Variants in KCTD3 observed in about 807,000 individuals in gnomAD.
KCTD3 encodes potassium channel tetramerization domain containing 3.
Under a neutral mutation model 85.8 loss-of-function variants are expected in KCTD3, and 41 were observed. The observed-to-expected ratio is 0.48, with a 90% CI of 0.37 to 0.62. KCTD3 has a LOEUF of 0.62. Ranked by LOEUF, KCTD3 falls within the 20% of genes least tolerant of loss-of-function variation. The probability of loss-of-function intolerance (pLI) is 0.00; values close to 1 mark genes in which losing one functional copy is unlikely to be tolerated. For missense variants in KCTD3, 724 were observed against 989.9 expected (o/e 0.73, Z 3.60); for synonymous variants, 338 against 345.4 (o/e 0.98, Z 0.24).
intron 14 of KCTD3, among the ~76,000 whole-genome samples, chr1:215,610,909 G>A: frequency 6.6e-6 from 1 of 152,030 alleles, no homozygotes; most frequent in Non-Finnish European, 1.5e-5. Context: ...TAATAATAAA[G>A]ATGACATTGG....
At chr1:215,571,308 G>A (rs1328074702) in intron 1 of KCTD3, among the ~76,000 whole-genome samples, 1 of 152,168 alleles carries the variant, frequency 6.6e-6, no homozygotes, top group Non-Finnish European at 1.5e-5. Flanking sequence ...TGTGACTGGG[G>A]TAATCTGTGT....
Position 215,567,700 on chromosome 1 carries a change from C to T in KCTD3, c.15C>T (p.His5=), listed in dbSNP as rs1467659022. The change falls in exon 1 of 18, where the codon CAC becomes CAT. Residue 5 remains histidine (H), a synonymous_variant. Transcript: ENST00000259154. MAGG[H]CGSFPAAAAG... ...AGCCGCCGGAGATGGCGGGAGGGCA[C>T]TGCGGCAGCTTCCCCGCGGCGGCGG... 2.4e-6 allele frequency: 3 copies of T among 1,241,584 alleles called. No individual in the cohort carries two copies. Among genetic ancestry groups the T allele is most frequent in the Admixed American group, 4.2e-5 (1 of 23,688 alleles). The allele number at this position is 1,241,584 out of a possible 1,614,324, so 76.9% of individuals were successfully genotyped here. A position where few individuals can be genotyped will look rare whatever the true frequency, so the allele number is the denominator to read the frequency against.
At chr1:215,572,417 C>T (rs1659401617) in intron 1 of KCTD3, among the ~76,000 whole-genome samples, 1 of 152,084 alleles carries the variant, frequency 6.6e-6, no homozygotes, top group South Asian at 2.1e-4. Context: ...TATTATGAGC[C>T]ATTGTTGCCT....
At position 215,601,874 on chromosome 1, in the gene KCTD3, ATGT is replaced by A. The variant is rs1654849286; in HGVS notation, c.946_948del (p.Val316del). The A allele has an allele frequency of 6.4e-7, 1 of 1,564,436 alleles. No homozygotes were observed. The highest frequency in any genetic ancestry group is 8.8e-7 in the Non-Finnish European group (1 of 1,137,316). ...ATACTCTCACTACATCAGGTTCAAG[ATGT>A]TGTTCCTATAACTAGTTATGACACT... is the stretch of plus-strand genomic sequence containing the variant. On this transcript the variant is annotated inframe_deletion, in exon 11 of 18. Coordinates refer to ENST00000259154, the MANE Select transcript of KCTD3 (RefSeq NM_016121.5).
At chr1:215,586,127 C>T (rs1371694694) in intron 8 of KCTD3, among the ~76,000 whole-genome samples, 4 of 152,014 alleles carry the variant, frequency 2.6e-5, no homozygotes, top group African/African-American at 9.7e-5. Flanking sequence ...ATGACAGTAT[C>T]ATTTGTGTGT....
In KCTD3 at chr1:215,590,550, A is replaced by T. The variant is rs569806561; in HGVS notation, c.817+3865A>T. On this transcript the variant is annotated intron_variant, in intron 9 of 17. Transcript: ENST00000259154. ...GATTTTTTATTTCATTTTTTTCTCCATTCTTCAGTTTAGATATCTTTTATT... is the reference window on the plus strand; with the variant it reads ...GATTTTTTATTTCATTTTTTTCTCCTTTCTTCAGTTTAGATATCTTTTATT... Among the ~76,000 whole-genome samples the T allele has an allele frequency of 1.1e-4, 16 of 151,576 alleles. No individual in the cohort carries two copies. The South Asian group carries it at 3.3e-3, about 32-fold the overall frequency.
chr1:215,619,319 CAA>C (rs1288570703), intron 17 of KCTD3, 28 bp downstream of exon 17: 1 of 1,571,342 alleles, frequency 6.4e-7, no homozygotes, highest in Non-Finnish European at 8.7e-7. Flanking sequence ...GTATTATAAA[CAA>C]AATTTATTTC....
At position 215,602,219 on chromosome 1, in the gene KCTD3, T is replaced by A. The variant is rs1272880803; in HGVS notation, c.1138+18T>A. On this transcript the variant is annotated intron_variant, in intron 12 of 17. Coordinates refer to ENST00000259154, the MANE Select transcript of KCTD3 (RefSeq NM_016121.5). ...CAAAACAAGTTAGTACATGGCCAAT[T>A]ATATACATTCTTGACTTTTTATCTT... is the stretch of plus-strand genomic sequence containing the variant. 8.5e-7 allele frequency: 1 copy of A among 1,179,580 alleles called. No homozygotes were observed. Among genetic ancestry groups the A allele is most frequent in the South Asian group, 1.3e-5 (1 of 74,234 alleles). The allele number at this position is 1,179,580 out of a possible 1,614,324, so 73.1% of individuals were successfully genotyped here.
chr1:215,602,212 G>A lies in KCTD3; in HGVS notation c.1138+11G>A. On this transcript the variant is annotated intron_variant, in intron 12 of 17. Coordinates refer to ENST00000259154, the MANE Select transcript of KCTD3 (RefSeq NM_016121.5). ...TCACACCCAAAACAAGTTAGTACATGGCCAATTATATACATTCTTGACTTT... is the reference window on the plus strand; with the variant it reads ...TCACACCCAAAACAAGTTAGTACATAGCCAATTATATACATTCTTGACTTT... 5 of 1,286,576 alleles carry A rather than the reference G, an allele frequency of 3.9e-6. No individual in the cohort carries two copies. Among genetic ancestry groups the A allele is most frequent in the Non-Finnish European group, 5.6e-6 (5 of 898,782 alleles). The allele number at this position is 1,286,576 out of a possible 1,614,324, so 79.7% of individuals were successfully genotyped here.
At chr1:215,577,806 C>G in intron 5 of KCTD3, 78 bp downstream of exon 5, 1 of 1,286,144 alleles carries the variant, frequency 7.8e-7, no homozygotes, top group Non-Finnish European at 1.1e-6. Context: ...GTGTTTATAT[C>G]AGGTCCTAAT....
At chr1:215,577,139 T>G (rs1659617595) in intron 4 of KCTD3, among the ~76,000 whole-genome samples, 1 of 152,056 alleles carries the variant, frequency 6.6e-6, no homozygotes, top group African/African-American at 2.4e-5. Context: ...CTAGTCTTTT[T>G]TTTTTTTCTA....
rs1430238936 is a variant in KCTD3 at position 215,621,707 on chromosome 1, G to A, written c.*1089G>A. On this transcript the variant is annotated 3_prime_UTR_variant, in exon 18 of 18. Coordinates refer to ENST00000259154, the MANE Select transcript of KCTD3 (RefSeq NM_016121.5). Reference sequence around the variant, plus strand: ...ATTCCAAGAAATATAAGTGAGTGAAGTTGAAATAAAATCTTTAAAATTTAC... The same window carrying A: ...ATTCCAAGAAATATAAGTGAGTGAAATTGAAATAAAATCTTTAAAATTTAC... 1 of 152,482 alleles carries A rather than the reference G, an allele frequency of 6.6e-6. No homozygotes were observed. Among genetic ancestry groups the A allele is most frequent in the African/African-American group, 2.4e-5 (1 of 41,422 alleles). The allele number at this position is 152,482 out of a possible 1,614,324, so 9.4% of individuals were successfully genotyped here.
Position 215,567,635 on chromosome 1 carries a change from G to T in KCTD3, c.-51G>T, listed in dbSNP as rs1659181911. On this transcript the variant is annotated 5_prime_UTR_variant, in exon 1 of 18. Transcript: ENST00000259154. The stretch of plus-strand genomic sequence containing the variant: ...GCCTCGGGCTACAGCCCCGGGCTCG[G>T]CGGTCCCGGCTGGGGAAGGAGGGCG... 3 of 1,156,734 alleles carry T rather than the reference G, an allele frequency of 2.6e-6. 1 individual carries two copies. In the South Asian group the frequency reaches 1.3e-4, roughly 51 times the overall value. 71.7% of individuals were successfully genotyped at this position (1,156,734 alleles called of 1,614,324 possible).
chr1:215,601,184 GC>G (rs1437013412), intron 10 of KCTD3, among the ~76,000 whole-genome samples: 6 of 152,174 alleles, frequency 3.9e-5, no homozygotes, highest in African/African-American at 1.4e-4. Flanking sequence ...TGATCTGCCT[GC>G]CTCGGCAGGT....
Position 215,586,714 on chromosome 1 carries a change from TTGA to T in KCTD3, c.817+34_817+36del, listed in dbSNP as rs1457960030. 2.6e-6 allele frequency: 4 copies of T among 1,559,768 alleles called. 1 individual carries two copies. The South Asian group carries it at 3.5e-5, about 13-fold the overall frequency. On this transcript the variant is annotated intron_variant, in intron 9 of 17. Coordinates refer to ENST00000259154, the MANE Select transcript of KCTD3 (RefSeq NM_016121.5). ...GGAAGAATCTTGTTTATGTTGCAATTTGATGATATTAATATTTTGAAGTTTATA... is the reference window on the plus strand; with the variant it reads ...GGAAGAATCTTGTTTATGTTGCAATTTGATATTAATATTTTGAAGTTTATA...
At chr1:215,574,262 T>C in intron 3 of KCTD3, 144 bp downstream of exon 3, 1 of 495,954 alleles carries the variant, frequency 2.0e-6, no homozygotes, top group Non-Finnish European at 3.5e-6. Flanking sequence ...TCTTGTCATA[T>C]GTAGTTTTTT....
Position 215,620,379 on chromosome 1 carries a change from G to C in KCTD3, c.2209G>C (p.Glu737Gln). 6.2e-7 allele frequency: 1 copy of C among 1,612,798 alleles called. No individual in the cohort carries two copies. The highest frequency in any genetic ancestry group is 8.5e-7 in the Non-Finnish European group (1 of 1,179,582). The change falls in exon 18 of 18, where the codon GAA becomes CAA. Residue 737 changes from glutamate (E) to glutamine (Q), a missense_variant. By Grantham distance (29) the Glu-to-Gln change is conservative. Transcript: ENST00000259154. ...EVHKIAEGFSESKKRSSEDEN... is the reference protein window; with the variant it reads ...EVHKIAEGFSQSKKRSSEDEN... ...GCATAAAATAGCTGAAGGTTTTTCA[G>C]AATCCAAGAAAAGGTCATCAGAAGA... is the stretch of plus-strand genomic sequence containing the variant.
At chr1:215,615,363 G>A (rs1182652932) in intron 15 of KCTD3, among the ~76,000 whole-genome samples, 2 of 152,150 alleles carry the variant, frequency 1.3e-5, no homozygotes, top group Non-Finnish European at 2.9e-5. Flanking sequence ...GCTCACGGCT[G>A]TAGTCCCAGC....
At chr1:215,595,578 C>T in intron 10 of KCTD3, 107 bp downstream of exon 10, 1 of 661,720 alleles carries the variant, frequency 1.5e-6, no homozygotes, top group South Asian at 2.5e-5. Context: ...TTTGGTTATA[C>T]AAATATTGAA....
Sources: gnomAD v4.1 joint callset for allele counts (sites outside exome capture counted in the v4.1 genomes callset) on GRCh38, gnomAD v4.1.1 for gene constraint, MANE v1.5 for transcripts, NCBI Gene and HGNC (gene_info 2026-07-23, HGNC 2026-07-21) for gene names.